The following STK10 variants were observed in gnomAD, a reference collection of about 807,000 sequenced individuals.
STK10 encodes the protein serine/threonine-protein kinase 10.
In STK10, 78 loss-of-function variants were observed where a neutral mutation model predicts 113.8. The observed-to-expected ratio is 0.69, with a 90% CI of 0.57 to 0.83. The LOEUF (loss-of-function observed/expected upper bound fraction) is 0.83, where lower values mean the gene tolerates loss of function less well. STK10 is among the 40% of genes least tolerant of loss of function. STK10 has a pLI of 0.00. For synonymous variants in STK10, 465 were observed against 494.7 expected, an observed-to-expected ratio of 0.94 and a Z score of 0.80; for missense variants, 1,109 against 1,280.1, an observed-to-expected ratio of 0.87 and a Z score of 2.04.
chr5:172,056,985 AAGAAAG>A (rs1767804726), intron 15 of STK10: 1 of 96,522 alleles, frequency 1.0e-5, no homozygotes, highest in Non-Finnish European at 2.0e-5. Flanking sequence ...GAAAGAAAGA[AAGAAAG>A]AAAGAGAAAG....
Position 172,188,147 on chromosome 5 carries a change from CG to C in STK10, c.-106del. 6.7e-7 allele frequency: 1 copy of C among 1,490,398 alleles called. No individual in the cohort carries two copies. The highest frequency in any genetic ancestry group is 8.9e-7 in the Non-Finnish European group (1 of 1,117,672). 92.3% of individuals were successfully genotyped at this position (1,490,398 alleles called of 1,614,324 possible). On this transcript the variant is annotated 5_prime_UTR_variant, in exon 1 of 19. Transcript: ENST00000176763. The surrounding 1 kb of genome is among the most constrained non-coding windows in gnomAD (Gnocchi z 5.6). Reference sequence around the variant, plus strand: ...AGGAGTTGGAGGACGCCGCGTCTCTCGGGGTTCTCCCCAGACCCGCCTTTCC... The same window carrying C: ...AGGAGTTGGAGGACGCCGCGTCTCTCGGGTTCTCCCCAGACCCGCCTTTCC...
At chr5:172,057,891 C>T (rs1767845053) in intron 14 of STK10, among the ~76,000 whole-genome samples, 1 of 152,216 alleles carries the variant, frequency 6.6e-6, no homozygotes, top group Admixed American at 6.5e-5. Flanking sequence ...TTCCACACTG[C>T]ATCTCTACCT....
rs778573031 is a variant in STK10 at position 172,052,912 on chromosome 5, A to G, written c.2766+17T>C. 1.6e-5 allele frequency: 26 copies of G among 1,612,304 alleles called. 1 individual carries two copies. In the Middle Eastern group the frequency reaches 1.3e-3, roughly 79 times the overall value. On this transcript the variant is annotated intron_variant, in intron 18 of 18. Transcript: ENST00000176763. Reference sequence around the variant, plus strand: ...AGCAGAGCCCGAGACTGAGCCCACCAGCTCGGATAAAGTTACCTTCTTGCG... The same window carrying G: ...AGCAGAGCCCGAGACTGAGCCCACCGGCTCGGATAAAGTTACCTTCTTGCG...
intron 5 of STK10, among the ~76,000 whole-genome samples, chr5:172,107,407 T>C (rs185949847): frequency 3.3e-5 from 5 of 152,288 alleles, no homozygotes; most frequent in African/African-American, 4.8e-5. Context: ...ACGGTAGGAA[T>C]TGAACTTGTA....
chr5:172,057,474 C>A lies in STK10; in HGVS notation c.2213-1G>T. 6.5e-7 allele frequency: 1 copy of A among 1,549,110 alleles called. No individual in the cohort carries two copies. The highest frequency in any genetic ancestry group is 1.2e-5 in the South Asian group (1 of 83,962). ...ATCTCCCACAGGGCTGCTTCCCGGT[C>A]TGCAGAGGACATGCCACCGAGCTGG... is the stretch of plus-strand genomic sequence containing the variant. On this transcript the variant is annotated splice_acceptor_variant, in intron 14 of 18. Transcript: ENST00000176763. LOFTEE classifies it high-confidence loss of function.
At chr5:172,122,452 CT>C (rs1581167262) in intron 3 of STK10, among the ~76,000 whole-genome samples, 2 of 152,254 alleles carry the variant, frequency 1.3e-5, no homozygotes, top group East Asian at 1.9e-4. Context: ...AATATGCAGC[CT>C]TTTGAGTCCA....
intron 7 of STK10, among the ~76,000 whole-genome samples, chr5:172,103,441 C>T (rs1581157458): frequency 6.6e-6 from 1 of 152,150 alleles, no homozygotes. Context: ...GGCTGCAGCT[C>T]CGGAGCTGCC....
intron 2 of STK10, among the ~76,000 whole-genome samples, chr5:172,151,447 A>G (rs1389559423): frequency 1.3e-5 from 2 of 152,034 alleles, no homozygotes; most frequent in Non-Finnish European, 1.5e-5. Flanking sequence ...CCCGGGTTCA[A>G]GTAATTCTCC....
chr5:172,046,470 A>G (rs1767498295), intron 18 of STK10, among the ~76,000 whole-genome samples: 1 of 152,172 alleles, frequency 6.6e-6, no homozygotes, highest in African/African-American at 2.4e-5. Flanking sequence ...TAGGAATACC[A>G]ACAATTTAAT....
chr5:172,076,424 GTTAGTTGTGGGGGCTGTCCTGTGCA>G (rs1768308643), intron 12 of STK10, among the ~76,000 whole-genome samples: 1 of 64,992 alleles, frequency 1.5e-5, no homozygotes, highest in Non-Finnish European at 2.7e-5. Flanking sequence ...CGTCCTGTGC[GTTAGTTGTGGGGGCTGTCCTGTGCA>G]TTTGTTGTGG....
At chr5:172,051,400 G>A (rs919987688) in intron 18 of STK10, among the ~76,000 whole-genome samples, 2 of 151,652 alleles carry the variant, frequency 1.3e-5, no homozygotes, top group African/African-American at 2.4e-5. Context: ...CGAGGGGGGC[G>A]GATCACTTGA....
intron 1 of STK10, among the ~76,000 whole-genome samples, chr5:172,162,669 G>A (rs1770494720): frequency 6.6e-6 from 1 of 152,208 alleles, no homozygotes. Context: ...AGGCTTAGTG[G>A]AGTGGCTAGA....
chr5:172,107,261 C>A (rs1769135495), intron 5 of STK10, among the ~76,000 whole-genome samples: 1 of 152,016 alleles, frequency 6.6e-6, no homozygotes, highest in Non-Finnish European at 1.5e-5. Flanking sequence ...AAGTAATGCA[C>A]ATGAAAAAAT....
intron 2 of STK10, among the ~76,000 whole-genome samples, chr5:172,136,597 A>AAAAT (rs58897747): frequency 0.12 from 18,564 of 151,136 alleles, 1,235 homozygotes; most frequent in African/African-American, 0.16. Flanking sequence ...ACTCCGTCTC[A>AAAAT]AAATAAATAA....
Position 172,184,139 on chromosome 5 carries a change from T to G in STK10, c.156+3748A>C, listed in dbSNP as rs1159099905. Among the ~76,000 whole-genome samples, 3 of 152,110 alleles carry G rather than the reference T, an allele frequency of 2.0e-5. No individual in the cohort carries two copies. In the South Asian group the frequency reaches 6.2e-4, roughly 32 times the overall value. ...CTGCCAATTGCTTTCTCAGGTGCCG[T>G]GTCAAAATGGAATCTCTGGTTCCAG... is the stretch of plus-strand genomic sequence containing the variant. On this transcript the variant is annotated intron_variant, in intron 1 of 18. Transcript: ENST00000176763.
chr5:172,184,990 C>A (rs1190086869), intron 1 of STK10, among the ~76,000 whole-genome samples: 1 of 151,972 alleles, frequency 6.6e-6, no homozygotes, highest in Non-Finnish European at 1.5e-5. Context: ...AACTGACTTT[C>A]CACGTGCTTT....
intron 4 of STK10, among the ~76,000 whole-genome samples, chr5:172,112,925 TAG>T (rs1295030261): frequency 6.6e-6 from 1 of 151,910 alleles, no homozygotes; most frequent in Non-Finnish European, 1.5e-5. Context: ...TTTGTATTTT[TAG>T]TAGAGACGGG....
intron 10 of STK10, among the ~76,000 whole-genome samples, chr5:172,085,220 T>C (rs1285335227): frequency 6.6e-6 from 1 of 151,950 alleles, no homozygotes; most frequent in Admixed American, 6.6e-5. Context: ...CACTCCAGCC[T>C]GGGCAACAGA....
intron 1 of STK10, among the ~76,000 whole-genome samples, chr5:172,170,125 T>C (rs1370504076): frequency 7.2e-6 from 1 of 139,214 alleles, no homozygotes; most frequent in Admixed American, 6.8e-5. Context: ...ATGTATCCTT[T>C]TTTTTTTTTT....
Sources: allele counts gnomAD v4.1 joint callset (sites outside exome capture counted in the v4.1 genomes callset), GRCh38; gene constraint gnomAD v4.1.1; non-coding constraint Gnocchi (gnomAD v3.1); transcripts MANE v1.5; gene names NCBI Gene and HGNC (gene_info 2026-07-23, HGNC 2026-07-21).